Variants in ZFYVE26 observed in about 807,000 individuals in gnomAD.
ZFYVE26 encodes zinc finger FYVE-type containing 26, also known as zinc finger FYVE domain-containing protein 26.
Under a neutral mutation model 276.5 loss-of-function variants are expected in ZFYVE26, and 181 were observed. The observed-to-expected ratio is 0.65, with a 90% confidence interval of 0.58 to 0.74. The LOEUF is 0.74. ZFYVE26 is among the 30% of genes least tolerant of loss of function. The probability of loss-of-function intolerance (pLI) is 0.00; values close to 1 mark genes in which losing one functional copy is unlikely to be tolerated. For synonymous variants in ZFYVE26, 1,129 were observed against 1,203.1 expected, an observed-to-expected ratio of 0.94 and a Z score of 1.27; for missense variants, 2,821 against 3,097.9, an observed-to-expected ratio of 0.91 and a Z score of 2.12.
chr14:67,789,918 A>G (rs1303597412), intron 15 of ZFYVE26, among the ~76,000 whole-genome samples: 3 of 152,240 alleles, frequency 2.0e-5, no homozygotes, highest in Non-Finnish European at 4.4e-5. Flanking sequence ...AAAGCAAGGT[A>G]GACTATAGTA....
Position 67,815,830 on chromosome 14 carries a change from T to G in ZFYVE26, c.134A>C (p.Asp45Ala), listed in dbSNP as rs534799202. The G allele has an allele frequency of 6.2e-7, 1 of 1,614,084 alleles. No homozygotes were observed. The highest frequency in any genetic ancestry group is 8.5e-7 in the Non-Finnish European group (1 of 1,180,036). Residue 45 changes from aspartate (D) to alanine (A), a missense_variant, in exon 2 of 42, where the codon GAT (aspartate) becomes GCT (alanine). Transcript: ENST00000347230. ...CVPQLQEGQG[D>A]IPKRVEDILQ... ...TATGTCTTCTACCCTCTTTGGGATA[T>G]CCCCTTGTCCCTCCTGTAGCTGAGG...
chr14:67,755,909 C>A (rs1321609772), intron 36 of ZFYVE26, 39 bp downstream of exon 36: 2 of 1,612,942 alleles, frequency 1.2e-6, no homozygotes. Context: ...GGTGGGGCAC[C>A]AGCAACAGAG....
At chr14:67,778,365 G>T in intron 23 of ZFYVE26, 117 bp from the exon 24 acceptor site, 1 of 1,327,240 alleles carries the variant, frequency 7.5e-7, no homozygotes. Context: ...ACTTCACTAT[G>T]ATGAAAATGA....
At chr14:67,786,652 T>C (rs2039667006) in intron 16 of ZFYVE26, among the ~76,000 whole-genome samples, 1 of 152,254 alleles carries the variant, frequency 6.6e-6, no homozygotes, top group Admixed American at 6.5e-5. Flanking sequence ...ATCTCTCCTA[T>C]ACTCCCATAT....
intron 5 of ZFYVE26, 140 bp from the exon 6 acceptor site, chr14:67,806,815 T>G: frequency 3.1e-6 from 3 of 958,946 alleles, no homozygotes; most frequent in Non-Finnish European, 4.7e-6. Context: ...TCTTAGGGTA[T>G]CTTAAAGAAT....
rs2040018947 is a variant in ZFYVE26 at position 67,798,893 on chromosome 14, G to A, written c.1640-271C>T. ...GCCTCCCCAGCCTTTTGGCCACCAG[G>A]CCCCGCCCCCGGGGAGGGCGCTGAG... On this transcript the variant is annotated intron_variant, in intron 10 of 41. Transcript: ENST00000347230. The A allele has an allele frequency of 1.3e-5, 12 of 909,070 alleles. No individual in the cohort carries two copies. In the Middle Eastern group the frequency reaches 1.4e-3, roughly 103 times the overall value. The allele number at this position is 909,070 out of a possible 1,614,324, so 56.3% of individuals were successfully genotyped here. A position where few individuals can be genotyped will look rare whatever the true frequency, so the allele number is the denominator to read the frequency against.
Position 67,797,704 on chromosome 14 carries a change from C to A in ZFYVE26, c.2300G>T (p.Arg767Leu). 6.2e-7 allele frequency: 1 copy of A among 1,614,176 alleles called. No homozygotes were observed. The highest frequency in any genetic ancestry group is 8.5e-7 in the Non-Finnish European group (1 of 1,180,044). Residue 767 changes from arginine (R) to leucine (L), a missense_variant, in exon 12 of 42, where the codon CGC becomes CTC. Physicochemically the swap from Arg to Leu is moderately radical, Grantham distance 102. Transcript: ENST00000347230. ...YQPATRHPSL[R>L]RGRRTRRSQA... The stretch of plus-strand genomic sequence containing the variant: ...GCTCCTTCTTGTCCGACGACCCCGG[C>A]GGAGACTGGGGTGACGTGTGGCAGG...
In ZFYVE26 at chr14:67,755,241, G is replaced by A. The variant is rs1340491429; in HGVS notation, c.6796C>T (p.Arg2266Trp). ...ELQQFMKDQV[R>W]AAMTCIRFFS... ...AACCGAATACAGGTCATGGCGGCCC[G>A]AACTTGGTCCTAGAAGAGGAAAATA... The change falls in exon 37 of 42, where the codon CGG becomes TGG. Residue 2266 changes from arginine (R) to tryptophan (W), a missense_variant. Physicochemically the swap from Arg to Trp is moderately radical, Grantham distance 101. Transcript: ENST00000347230. The A allele has an allele frequency of 3.7e-6, 6 of 1,614,128 alleles. No individual in the cohort carries two copies. Among genetic ancestry groups the A allele is most frequent in the African/African-American group, 1.3e-5 (1 of 75,040 alleles).
intron 12 of ZFYVE26, among the ~76,000 whole-genome samples, chr14:67,795,346 T>G (rs1442286299): frequency 6.6e-6 from 1 of 152,220 alleles, no homozygotes; most frequent in African/African-American, 2.4e-5. Flanking sequence ...TGCTCACCTT[T>G]CATGTTGCCA....
Position 67,782,869 on chromosome 14 carries a change from C to T in ZFYVE26, c.4283G>A (p.Arg1428Gln), listed in dbSNP as rs371511765. ...EESLVARDWSRALQLTEVYGR... is the reference protein window; with the variant it reads ...EESLVARDWSQALQLTEVYGR... ...GTACACTTCAGTGAGCTGAAGGGCC[C>T]GGGACCAATCTCTGGCCACCAAGGA... The change falls in exon 21 of 42, where the codon CGG becomes CAG. Residue 1428 changes from arginine (R) to glutamine (Q), a missense_variant. By Grantham distance (43) the Arg-to-Gln change is conservative (BLOSUM62 1). Coordinates refer to ENST00000347230, the MANE Select transcript of ZFYVE26 (RefSeq NM_015346.4). 45 of 1,614,200 alleles carry T rather than the reference C, an allele frequency of 2.8e-5. No homozygotes were observed. The South Asian group carries it at 3.0e-4, about 11-fold the overall frequency.
At chr14:67,797,898 T>G in intron 11 of ZFYVE26, 116 bp downstream of exon 11, 1 of 1,592,176 alleles carries the variant, frequency 6.3e-7, no homozygotes, top group Non-Finnish European at 8.6e-7. Flanking sequence ...GTTGCCATGG[T>G]GACGATATGC....
At chr14:67,743,647 G>C (rs1172203582), downstream of ZFYVE26, among the ~76,000 whole-genome samples, 5 of 152,176 alleles carry the variant, frequency 3.3e-5, no homozygotes, top group Non-Finnish European at 7.3e-5. Flanking sequence ...ATATTTTTAG[G>C]TGCATGTCAG....
chr14:67,769,949 C>G (rs1450402057), intron 28 of ZFYVE26: 1 of 613,912 alleles, frequency 1.6e-6, no homozygotes, highest in Non-Finnish European at 2.9e-6. Flanking sequence ...AGTCATGGAG[C>G]TTTGCGATAG....
At chr14:67,806,763 G>T in intron 5 of ZFYVE26, 88 bp from the exon 6 acceptor site, 1 of 1,540,358 alleles carries the variant, frequency 6.5e-7, no homozygotes, top group Non-Finnish European at 8.9e-7. Context: ...TGATGTGAGA[G>T]TTTGCTCTTT....
downstream of ZFYVE26, among the ~76,000 whole-genome samples, chr14:67,741,953 C>T (rs1370906593): frequency 1.3e-5 from 2 of 152,228 alleles, no homozygotes; most frequent in Non-Finnish European, 2.9e-5. Context: ...AACTTTCTTC[C>T]TTGCTGATTC....
intron 13 of ZFYVE26, among the ~76,000 whole-genome samples, chr14:67,731,207 CTTTTTTTTT>C (rs71129853): frequency 3.5e-4 from 32 of 90,610 alleles, no homozygotes; most frequent in African/African-American, 1.4e-3. Flanking sequence ...TTCTTTCTTT[CTTTTTTTTT>C]TTTTTTTTTT....
chr14:67,798,944 T>C (rs566486456), intron 10 of ZFYVE26: 57 of 1,127,036 alleles, frequency 5.1e-5, no homozygotes, highest in Non-Finnish European at 7.0e-5. Flanking sequence ...CTGATCTTTA[T>C]TTCTCGCGCC....
intron 13 of ZFYVE26, among the ~76,000 whole-genome samples, chr14:67,730,567 T>C (rs1297157276): frequency 3.9e-5 from 6 of 152,238 alleles, no homozygotes; most frequent in Non-Finnish European, 7.3e-5. Context: ...AAATATTTCA[T>C]AATTCAAATA....
chr14:67,788,109 G>A (rs1051973127), intron 16 of ZFYVE26, among the ~76,000 whole-genome samples: 1 of 151,402 alleles, frequency 6.6e-6, no homozygotes, highest in African/African-American at 2.4e-5. Context: ...AACCGTGGGT[G>A]GTTGGGTGCG....
Sources: allele counts gnomAD v4.1 joint callset (sites outside exome capture counted in the v4.1 genomes callset), GRCh38; gene constraint gnomAD v4.1.1; transcripts MANE v1.5; gene names NCBI Gene and HGNC (gene_info 2026-07-23, HGNC 2026-07-21).